Variants in TMTC2 observed in about 807,000 individuals in gnomAD.
TMTC2 encodes the protein transmembrane O-mannosyltransferase targeting cadherins 2.
In TMTC2, 43 loss-of-function variants were observed where a neutral mutation model predicts 82.4. That is an observed-to-expected ratio of 0.52 (90% CI 0.41 to 0.67). The LOEUF (loss-of-function observed/expected upper bound fraction) is 0.67. TMTC2 is among the 30% of genes least tolerant of loss of function. TMTC2 has a pLI of 0.00. For synonymous variants in TMTC2, 408 were observed against 381.9 expected (o/e 1.07, Z -0.80); for missense variants, 919 against 1,012.4 (o/e 0.91, Z 1.25).
chr12:82,876,820 C>T (rs542464255), intron 2 of TMTC2, among the ~76,000 whole-genome samples: 61 of 152,100 alleles, frequency 4.0e-4, no homozygotes, highest in Non-Finnish European at 6.2e-4. Flanking sequence ...AATAGCAGTG[C>T]GACCTGGGAA....
chr12:82,722,335 A>G (rs1430710639), intron 1 of TMTC2, among the ~76,000 whole-genome samples: 1 of 150,056 alleles, frequency 6.7e-6, no homozygotes, highest in Non-Finnish European at 1.5e-5. Context: ...TGGGCGGGTC[A>G]TGAGGTCAGG....
At chr12:82,775,989 T>C (rs1048679056) in intron 1 of TMTC2, among the ~76,000 whole-genome samples, 3 of 152,064 alleles carry the variant, frequency 2.0e-5, no homozygotes, top group Admixed American at 2.0e-4. Context: ...CCTCTCAAAG[T>C]TGTACATGCA....
intron 1 of TMTC2, among the ~76,000 whole-genome samples, chr12:82,811,549 A>G (rs554223324): frequency 6.6e-6 from 1 of 152,160 alleles, no homozygotes; most frequent in South Asian, 2.1e-4. Flanking sequence ...TGTATGTATA[A>G]GGAACATTGG....
chr12:82,704,246 CT>C (rs935941209), intron 1 of TMTC2, among the ~76,000 whole-genome samples: 2 of 151,988 alleles, frequency 1.3e-5, no homozygotes, highest in African/African-American at 4.8e-5. Flanking sequence ...ATTTTTATTT[CT>C]TTTTCTGTCA....
chr12:82,949,020 C>G (rs1022317815), intron 4 of TMTC2, among the ~76,000 whole-genome samples: 3 of 152,148 alleles, frequency 2.0e-5, no homozygotes. Flanking sequence ...ATCATTAAAC[C>G]TCCATAATGG....
intron 1 of TMTC2, among the ~76,000 whole-genome samples, chr12:82,691,471 T>G (rs1003323365): frequency 8.5e-5 from 13 of 152,186 alleles, no homozygotes; most frequent in Non-Finnish European, 1.6e-4. Flanking sequence ...ACACATGAGT[T>G]AATTTTTTCT....
intron 1 of TMTC2, among the ~76,000 whole-genome samples, chr12:82,774,358 C>T (rs774360010): frequency 2.6e-5 from 4 of 152,012 alleles, no homozygotes; most frequent in South Asian, 2.1e-4. Flanking sequence ...TGGTGGCTCA[C>T]GCCTATAATC....
intron 4 of TMTC2, among the ~76,000 whole-genome samples, chr12:82,933,169 A>G (rs904740346): frequency 6.6e-6 from 1 of 152,192 alleles, no homozygotes; most frequent in African/African-American, 2.4e-5. Context: ...CTAAACGGAG[A>G]AGCTTAAATT....
intron 1 of TMTC2, among the ~76,000 whole-genome samples, chr12:82,787,088 C>T (rs73358205): frequency 0.12 from 18,588 of 151,998 alleles, 1,944 homozygotes; most frequent in African/African-American, 0.28. Flanking sequence ...GCTAGGGTTA[C>T]ATATTTTAAT....
chr12:83,045,707 T>TCTCACACACACACACACACACA (rs1555208196), intron 9 of TMTC2, among the ~76,000 whole-genome samples: 15 of 122,780 alleles, frequency 1.2e-4, no homozygotes, highest in Non-Finnish European at 2.2e-4. Context: ...AAGGGCTCCT[T>TCTCACACACACACACACACACA]CACACACACA....
intron 1 of TMTC2, among the ~76,000 whole-genome samples, chr12:82,788,143 C>G (rs990442967): frequency 3.9e-5 from 6 of 151,922 alleles, no homozygotes; most frequent in African/African-American, 1.4e-4. Flanking sequence ...TTAAAAAAGT[C>G]AGATCTGCTA....
chr12:82,937,751 T>TGG (rs1876422738), intron 4 of TMTC2, among the ~76,000 whole-genome samples: 11 of 52,284 alleles, frequency 2.1e-4, no homozygotes, highest in Non-Finnish European at 3.4e-5. Context: ...TGTGTGTGTG[T>TGG]ATATATATAT....
chr12:83,028,456 C>G (rs1307536206), intron 8 of TMTC2, among the ~76,000 whole-genome samples: 1 of 152,170 alleles, frequency 6.6e-6, no homozygotes, highest in Non-Finnish European at 1.5e-5. Flanking sequence ...TCAACTTACT[C>G]TGGTGTCGTA....
At chr12:82,991,550 T>C (rs1879404419) in intron 8 of TMTC2, among the ~76,000 whole-genome samples, 1 of 152,186 alleles carries the variant, frequency 6.6e-6, no homozygotes, top group African/African-American at 2.4e-5. Flanking sequence ...AATAGTTTTG[T>C]ATTAGAGTCA....
intron 11 of TMTC2, among the ~76,000 whole-genome samples, chr12:83,100,666 C>T (rs530000798): frequency 2.6e-5 from 4 of 151,906 alleles, no homozygotes; most frequent in South Asian, 2.1e-4. Flanking sequence ...GTCTGATCAA[C>T]GTAAAATTAG....
chr12:83,080,792 G>T (rs1368880785), intron 11 of TMTC2, among the ~76,000 whole-genome samples: 2 of 152,178 alleles, frequency 1.3e-5, no homozygotes, highest in African/African-American at 4.8e-5. Context: ...TTAGAGTGGA[G>T]AAGTGCTGTT....
At chr12:82,835,822 C>T (rs940432972) in intron 1 of TMTC2, among the ~76,000 whole-genome samples, 5 of 152,102 alleles carry the variant, frequency 3.3e-5, no homozygotes, top group South Asian at 2.1e-4. Flanking sequence ...CTTCCTTGAC[C>T]CCCTTATGCC....
intron 11 of TMTC2, among the ~76,000 whole-genome samples, chr12:83,078,676 T>C (rs1392883912): frequency 6.6e-6 from 1 of 152,206 alleles, no homozygotes; most frequent in East Asian, 1.9e-4. Flanking sequence ...CTTAACTATA[T>C]ATAATTCTAT....
At chr12:82,890,316 C>T (rs1212276673) in intron 2 of TMTC2, among the ~76,000 whole-genome samples, 2 of 151,594 alleles carry the variant, frequency 1.3e-5, no homozygotes, top group African/African-American at 4.9e-5. Flanking sequence ...TCCTAATATT[C>T]TGGGAACAAA....
Sources: allele counts gnomAD v4.1 joint callset (sites outside exome capture counted in the v4.1 genomes callset), GRCh38; gene constraint gnomAD v4.1.1; transcripts MANE v1.5; gene names NCBI Gene and HGNC (gene_info 2026-07-23, HGNC 2026-07-21).